TOPBP1: variants seen among roughly 807,000 people sequenced by gnomAD.
TOPBP1 encodes DNA topoisomerase 2-binding protein 1.
TOPBP1 carries 28 observed loss-of-function variants against 167.7 expected under a neutral mutation model. The ratio of observed to expected loss-of-function variants is 0.17; its 90% CI spans 0.12 to 0.23. The LOEUF is 0.23. TOPBP1 is among the 10% of genes least tolerant of loss of function. TOPBP1 has a pLI of 1.00. For missense variants in TOPBP1, 1,554 were observed against 1,809.6 expected (o/e 0.86, Z 2.56); for synonymous variants, 598 against 611.4 (o/e 0.98, Z 0.32).
chr3:133,601,049 G>A lies in TOPBP1; in HGVS notation c.*201C>T, dbSNP rs1016640996. The A allele has an allele frequency of 7.6e-6, 3 of 393,128 alleles. No individual in the cohort carries two copies. Among genetic ancestry groups the A allele is most frequent in the Non-Finnish European group, 1.4e-5 (3 of 219,748 alleles). 24.4% of individuals were successfully genotyped at this position (393,128 alleles called of 1,614,324 possible). ...GAGTTGTATTTTGTTGTTATTTCAG[G>A]TAACTTTTTATTAAGAAACAGTTAA... On this transcript the variant is annotated 3_prime_UTR_variant, in exon 28 of 28. Coordinates refer to ENST00000260810, the MANE Select transcript of TOPBP1 (RefSeq NM_007027.4).
intron 18 of TOPBP1, 25 bp from the exon 19 acceptor site, chr3:133,623,218 T>C (rs772167478): frequency 1.2e-6 from 2 of 1,610,612 alleles, no homozygotes; most frequent in East Asian, 4.5e-5. Context: ...AAATTATAAA[T>C]TCTCAAACCA....
chr3:133,644,636 T>A (rs1026164939), intron 10 of TOPBP1, among the ~76,000 whole-genome samples: 1 of 152,230 alleles, frequency 6.6e-6, no homozygotes, highest in Non-Finnish European at 1.5e-5. Flanking sequence ...AGTTTAAAAT[T>A]ATATAGCTCC....
chr3:133,661,882 C>A lies in TOPBP1; in HGVS notation c.-121G>T, dbSNP rs979275768. ...ACAGCCCCCTCCCCCGACTCGGCGC[C>A]GCCCCTACCCCAAAGCAAACGCTGG... On this transcript the variant is annotated 5_prime_UTR_variant, in exon 1 of 28. Transcript: ENST00000260810. 7 of 152,356 alleles carry A rather than the reference C, an allele frequency of 4.6e-5. No individual in the cohort carries two copies. The highest frequency in any genetic ancestry group is 1.7e-4 in the African/African-American group (7 of 41,584). 9.4% of individuals were successfully genotyped at this position (152,356 alleles called of 1,614,324 possible). A position where few individuals can be genotyped will look rare whatever the true frequency, so the allele number is the denominator to read the frequency against.
chr3:133,614,831 G>A (rs1009301121), intron 23 of TOPBP1, among the ~76,000 whole-genome samples: 1 of 135,118 alleles, frequency 7.4e-6, no homozygotes, highest in Admixed American at 7.5e-5. Context: ...CTGTCCTGGG[G>A]TGGGGGGAGG....
chr3:133,657,381 C>CTT (rs11341315), intron 4 of TOPBP1, among the ~76,000 whole-genome samples: 2 of 130,072 alleles, frequency 1.5e-5, no homozygotes, highest in East Asian at 4.5e-4. Context: ...TCTTAGAATG[C>CTT]TTTTTTTTTT....
chr3:133,644,832 G>A lies in TOPBP1; in HGVS notation c.1505-469C>T, dbSNP rs570180691. ...AAAATATTTATTGTCTACTCCTTTAGAGAAAAAGTTTGCCCTGCTATGTGA... is the reference window on the plus strand; with the variant it reads ...AAAATATTTATTGTCTACTCCTTTAAAGAAAAAGTTTGCCCTGCTATGTGA... On this transcript the variant is annotated intron_variant, in intron 10 of 27. Transcript: ENST00000260810. 2.8e-4 allele frequency among the ~76,000 whole-genome samples: 42 copies of A among 152,306 alleles called. 1 individual carries two copies. Among genetic ancestry groups the A allele is most frequent in the African/African-American group, 9.1e-4 (38 of 41,564 alleles).
At chr3:133,632,558 T>A (rs1439681088) in intron 14 of TOPBP1, among the ~76,000 whole-genome samples, 1 of 152,220 alleles carries the variant, frequency 6.6e-6, no homozygotes, top group Non-Finnish European at 1.5e-5. Context: ...CTAAACTTTT[T>A]AAAATTTCTT....
rs558857418 is a variant in TOPBP1, at chr3:133,658,627, C to G, written c.219+389G>C. On this transcript the variant is annotated intron_variant, in intron 3 of 27. Coordinates refer to ENST00000260810, the MANE Select transcript of TOPBP1 (RefSeq NM_007027.4). ...AAGACCAGCCCAGCCTGGCCAACAT[C>G]GAGAAACCCTTTCTCTACTAAAAAT... Among the ~76,000 whole-genome samples, 55 of 151,884 alleles carry G rather than the reference C, an allele frequency of 3.6e-4. 1 individual carries two copies. The South Asian group carries it at 7.7e-3, about 21-fold the overall frequency.
At chr3:133,616,207 C>T (rs1165876179) in intron 23 of TOPBP1, among the ~76,000 whole-genome samples, 1 of 151,850 alleles carries the variant, frequency 6.6e-6, no homozygotes, top group Non-Finnish European at 1.5e-5. Context: ...GCAACCTCCG[C>T]CTCCCAGGTT....
At position 133,649,597 on chromosome 3, in the gene TOPBP1, A is replaced by G. The variant is rs748598928; in HGVS notation, c.1290T>C (p.Cys430=). 6.8e-6 allele frequency: 11 copies of G among 1,613,688 alleles called. No individual in the cohort carries two copies. The Admixed American group carries it at 1.5e-4, about 22-fold the overall frequency. ...HVVGAKWLLE[C]FSKGYMLSEE... is the part of the protein sequence containing the mutation. ...CAGAAAGCATATAACCTTTACTGAA[A>G]CACTCTAGCAACCACTTTGCTCCCA... The change falls in exon 10 of 28, where the codon TGT becomes TGC. Residue 430 remains cysteine, a synonymous_variant. Transcript: ENST00000260810.
intron 27 of TOPBP1, among the ~76,000 whole-genome samples, chr3:133,602,884 C>CT (rs1368119999): frequency 6.7e-6 from 1 of 148,616 alleles, no homozygotes; most frequent in African/African-American, 2.5e-5. Flanking sequence ...AGAGATCTAC[C>CT]TTTTTTCATT....
chr3:133,644,467 A>G, intron 10 of TOPBP1, 104 bp from the exon 11 acceptor site: 1 of 1,103,152 alleles, frequency 9.1e-7, no homozygotes, highest in Non-Finnish European at 1.3e-6. Flanking sequence ...TTTTGACCAT[A>G]CTTACAAAAC....
intron 27 of TOPBP1, among the ~76,000 whole-genome samples, chr3:133,603,467 C>T (rs148858256): frequency 6.6e-6 from 1 of 152,010 alleles, no homozygotes; most frequent in Non-Finnish European, 1.5e-5. Context: ...ATCCTATCTA[C>T]AAGAAAGCCA....
intron 5 of TOPBP1, 86 bp downstream of exon 5, chr3:133,656,590 G>T: frequency 7.8e-7 from 1 of 1,286,890 alleles, no homozygotes; most frequent in East Asian, 2.6e-5. Context: ...TCCCTGAATA[G>T]TAAGTCCAAA....
At chr3:133,628,334 C>A (rs560908347) in intron 16 of TOPBP1, 28 bp downstream of exon 16, 77 of 1,559,542 alleles carry the variant, frequency 4.9e-5, no homozygotes, top group Non-Finnish European at 6.6e-5. Context: ...AGTCATATCA[C>A]CATGAAACAG....
At chr3:133,627,230 CAT>C (rs938901350) in intron 16 of TOPBP1, among the ~76,000 whole-genome samples, 49 of 152,072 alleles carry the variant, frequency 3.2e-4, no homozygotes, top group Middle Eastern at 3.4e-3. Context: ...CATTTAAAAT[CAT>C]ATAAAAACAT....
intron 5 of TOPBP1, among the ~76,000 whole-genome samples, chr3:133,655,981 T>C (rs183276153): frequency 6.6e-6 from 1 of 151,972 alleles, no homozygotes; most frequent in East Asian, 1.9e-4. Flanking sequence ...CATGGAGACA[T>C]ATTTGGGATA....
At chr3:133,649,326 T>G in intron 10 of TOPBP1, 57 bp downstream of exon 10, 4 of 1,563,888 alleles carry the variant, frequency 2.6e-6, no homozygotes, top group Non-Finnish European at 3.5e-6. Context: ...CATATGTACG[T>G]ATTAGGCTAC....
Position 133,649,369 on chromosome 3 carries a change from C to A in TOPBP1, c.1504+14G>T. 6.2e-7 allele frequency: 1 copy of A among 1,607,840 alleles called. No homozygotes were observed. The highest frequency in any genetic ancestry group is 1.1e-5 in the South Asian group (1 of 90,484). The stretch of plus-strand genomic sequence containing the variant: ...TTTCTTACTAACTACAAATACTAAT[C>A]AAGCATTTCTTACCTACTGTGGAGC... On this transcript the variant is annotated intron_variant, in intron 10 of 27. Transcript: ENST00000260810.
Sources: allele counts gnomAD v4.1 joint callset (sites outside exome capture counted in the v4.1 genomes callset), GRCh38; gene constraint gnomAD v4.1.1; transcripts MANE v1.5; gene names NCBI Gene and HGNC (gene_info 2026-07-23, HGNC 2026-07-21).